RASGRF1: variants seen among roughly 807,000 people sequenced by gnomAD.
RASGRF1 encodes ras-specific guanine nucleotide-releasing factor 1.
In RASGRF1, 40 loss-of-function variants were observed where a neutral mutation model predicts 138.7. That is an observed-to-expected ratio of 0.29 (90% CI 0.22 to 0.38). The LOEUF is 0.38. Ranked by LOEUF, RASGRF1 falls within the 10% of genes least tolerant of loss-of-function variation. The probability of loss-of-function intolerance (pLI) is 1.00; values close to 1 mark genes in which losing one functional copy is unlikely to be tolerated. For missense variants in RASGRF1, 1,108 were observed against 1,650.4 expected, an observed-to-expected ratio of 0.67 and a Z score of 5.69; for synonymous variants, 614 against 663.2, an observed-to-expected ratio of 0.93 and a Z score of 1.14.
At chr15:79,087,562 C>G (rs1479141926) in intron 1 of RASGRF1, among the ~76,000 whole-genome samples, 1 of 152,250 alleles carries the variant, frequency 6.6e-6, no homozygotes, top group African/African-American at 2.4e-5. Flanking sequence ...CTCAGGCACT[C>G]TGTACATGCC....
At chr15:78,977,163 A>C (rs2055889695) in intron 24 of RASGRF1, among the ~76,000 whole-genome samples, 1 of 152,154 alleles carries the variant, frequency 6.6e-6, no homozygotes, top group Admixed American at 6.5e-5. Context: ...AACCCGAGAC[A>C]AGCAATGAGT....
At chr15:78,990,301 G>A in intron 21 of RASGRF1, 28 bp from the exon 22 acceptor site, 1 of 1,486,060 alleles carries the variant, frequency 6.7e-7, no homozygotes, top group Non-Finnish European at 9.4e-7. Flanking sequence ...AGACCCAGGT[G>A]GAGGGGGTGA....
chr15:79,087,608 C>A (rs566932462), intron 1 of RASGRF1, among the ~76,000 whole-genome samples: 1 of 152,244 alleles, frequency 6.6e-6, no homozygotes, highest in African/African-American at 2.4e-5. Flanking sequence ...TAGGCTCAAG[C>A]CTGGTCACAG....
In RASGRF1 at chr15:79,074,733, AC is replaced by A. The variant is rs544234996; in HGVS notation, c.277-10208del. 5.9e-5 allele frequency among the ~76,000 whole-genome samples: 9 copies of A among 152,320 alleles called. No individual in the cohort carries two copies. In the East Asian group the frequency reaches 1.7e-3, roughly 29 times the overall value. On this transcript the variant is annotated intron_variant, in intron 1 of 26. Transcript: ENST00000558480. ...CATTCAGGGACTCCCCAGAAATGCA[AC>A]AGAGGAAGAAACCACCAATGGGCCG...
intron 3 of RASGRF1, among the ~76,000 whole-genome samples, chr15:79,052,436 C>G (rs1048608925): frequency 6.6e-6 from 1 of 152,194 alleles, no homozygotes; most frequent in African/African-American, 2.4e-5. Flanking sequence ...CCTCTGCCCC[C>G]ATCCAAGCCC....
Position 78,961,889 on chromosome 15 carries a change from T to C in RASGRF1, c.*255A>G, listed in dbSNP as rs1318184346. 2 of 424,138 alleles carry C rather than the reference T, an allele frequency of 4.7e-6. No individual in the cohort carries two copies. Among genetic ancestry groups the C allele is most frequent in the Non-Finnish European group, 8.6e-6 (2 of 232,950 alleles). 26.3% of individuals were successfully genotyped at this position (424,138 alleles called of 1,614,324 possible). On this transcript the variant is annotated 3_prime_UTR_variant, in exon 27 of 27. Transcript: ENST00000558480. Reference sequence around the variant, plus strand: ...TCCCCTCTGAGAAGAGTGAGGAGTCTAGGGAAGAGGGACCAAGAGTACAGC... The same window carrying C: ...TCCCCTCTGAGAAGAGTGAGGAGTCCAGGGAAGAGGGACCAAGAGTACAGC...
chr15:79,011,051 A>G (rs900618119), intron 13 of RASGRF1, among the ~76,000 whole-genome samples: 11 of 151,030 alleles, frequency 7.3e-5, no homozygotes, highest in Admixed American at 2.0e-4. Flanking sequence ...TGGAAGGAAT[A>G]CCCCCCACTT....
At position 79,001,724 on chromosome 15, in the gene RASGRF1, G is replaced by A; in HGVS notation, c.2513C>T (p.Thr838Ile). The change falls in exon 16 of 27, where the codon ACT becomes ATT. Residue 838 changes from threonine to isoleucine, a missense_variant. Coordinates refer to ENST00000558480, the MANE Select transcript of RASGRF1 (RefSeq NM_001145648.3). ...TGGAGATTTAGTTGGTGATGTTTCA[G>A]TATCACCATCATCACTCTGGTTTTG... ...IDQNQSDDGD[T>I]ETSPTKSPTT... 6.2e-7 allele frequency: 1 copy of A among 1,608,614 alleles called. No individual in the cohort carries two copies. The highest frequency in any genetic ancestry group is 8.5e-7 in the Non-Finnish European group (1 of 1,175,104).
chr15:78,999,670 A>G, intron 17 of RASGRF1, 73 bp downstream of exon 17: 1 of 1,538,880 alleles, frequency 6.5e-7, no homozygotes, highest in Non-Finnish European at 8.9e-7. Context: ...AGTCCCCGGG[A>G]CCATGGCTGC....
At chr15:79,052,433 C>T (rs931311061) in intron 3 of RASGRF1, among the ~76,000 whole-genome samples, 6 of 152,186 alleles carry the variant, frequency 3.9e-5, no homozygotes, top group Non-Finnish European at 8.8e-5. Flanking sequence ...TTCCCTCTGC[C>T]CCCATCCAAG....
chr15:79,012,208 T>C (rs1431084689), intron 13 of RASGRF1, among the ~76,000 whole-genome samples: 1 of 152,094 alleles, frequency 6.6e-6, no homozygotes, highest in Non-Finnish European at 1.5e-5. Context: ...GTGCACTTTT[T>C]TGCCTCCGAA....
intron 1 of RASGRF1, among the ~76,000 whole-genome samples, chr15:79,089,581 G>A (rs2141118739): frequency 1.3e-5 from 2 of 152,352 alleles, no homozygotes; most frequent in Middle Eastern, 6.8e-3. Flanking sequence ...CGGCGCATCA[G>A]AGCGGTCCTT....
intron 13 of RASGRF1, among the ~76,000 whole-genome samples, chr15:79,013,103 T>C (rs1238851971): frequency 1.3e-5 from 2 of 152,156 alleles, no homozygotes; most frequent in African/African-American, 4.8e-5. Context: ...ATCTAGGAAG[T>C]AGGTAGGTAG....
chr15:79,038,007 A>T (rs527826535), intron 5 of RASGRF1, among the ~76,000 whole-genome samples: 1 of 152,268 alleles, frequency 6.6e-6, no homozygotes, highest in South Asian at 2.1e-4. Flanking sequence ...CTCATCTGAC[A>T]GGAGGTGGAG....
intron 21 of RASGRF1, 75 bp downstream of exon 21, chr15:78,991,616 C>G: frequency 8.5e-7 from 1 of 1,177,352 alleles, no homozygotes; most frequent in African/African-American, 1.5e-5. Flanking sequence ...AAATTCACTG[C>G]GTGTGCTTCC....
In RASGRF1 at chr15:79,004,060, T is replaced by C; in HGVS notation, c.2191A>G (p.Lys731Glu). Residue 731 changes from lysine to glutamate, a missense_variant, in exon 15 of 27, where the codon AAG becomes GAG. Around this residue, in one of 3 missense-constraint regions of RASGRF1, gnomAD observed 686 missense variants for 976.7 expected, o/e 0.70. Transcript: ENST00000558480. ...CGCCGGCGGCTCGGTGACGATGTCT[T>C]GGTGATGGACAGAGGTGGCGGCGAG... ...FSSPPPLSITKTSSPSRRRKL... is the reference protein window; with the variant it reads ...FSSPPPLSITETSSPSRRRKL... The C allele has an allele frequency of 2.5e-6, 4 of 1,613,936 alleles. No homozygotes were observed. Among genetic ancestry groups the C allele is most frequent in the Non-Finnish European group, 3.4e-6 (4 of 1,179,958 alleles).
At chr15:79,069,217 C>A (rs1302228808) in intron 1 of RASGRF1, among the ~76,000 whole-genome samples, 1 of 152,192 alleles carries the variant, frequency 6.6e-6, no homozygotes, top group Non-Finnish European at 1.5e-5. Flanking sequence ...AGTGAATGAA[C>A]AGACACATGA....
At chr15:79,082,596 A>G (rs1401646764) in intron 1 of RASGRF1, among the ~76,000 whole-genome samples, 2 of 152,220 alleles carry the variant, frequency 1.3e-5, no homozygotes, top group Non-Finnish European at 2.9e-5. Context: ...GCGTAAGATG[A>G]GTCCAGGTGA....
chr15:79,083,354 T>C (rs2057938219), intron 1 of RASGRF1, among the ~76,000 whole-genome samples: 1 of 152,202 alleles, frequency 6.6e-6, no homozygotes, highest in Non-Finnish European at 1.5e-5. Context: ...GCGTCACTAG[T>C]GCTCCTGCAT....
Sources: gnomAD v4.1 joint callset for allele counts (sites outside exome capture counted in the v4.1 genomes callset) on GRCh38, gnomAD v4.1.1 for gene constraint, gnomAD v4.1.1 regional missense constraint, MANE v1.5 for transcripts, NCBI Gene and HGNC (gene_info 2026-07-23, HGNC 2026-07-21) for gene names.